MTHFD1L: variants seen among roughly 807,000 people sequenced by gnomAD.
MTHFD1L encodes the protein methylenetetrahydrofolate dehydrogenase (NADP+ dependent) 1 like, also known as monofunctional C1-tetrahydrofolate synthase, mitochondrial.
MTHFD1L carries 81 observed loss-of-function variants against 119.5 expected under a neutral mutation model. That is an observed-to-expected ratio of 0.68 (90% CI 0.57 to 0.82). The LOEUF is 0.82. MTHFD1L is among the 40% of genes least tolerant of loss of function. The pLI, the probability that MTHFD1L is intolerant of heterozygous loss-of-function variation, is 0.00. For synonymous variants in MTHFD1L, 430 were observed against 475.2 expected (o/e 0.90, Z 1.24); for missense variants, 1,125 against 1,253.4 (o/e 0.90, Z 1.55).
At chr6:150,914,545 A>T (rs1047294618) in intron 8 of MTHFD1L, among the ~76,000 whole-genome samples, 1 of 149,358 alleles carries the variant, frequency 6.7e-6, no homozygotes, top group Non-Finnish European at 1.5e-5. Context: ...TGCAATCCCA[A>T]CTACTCAGGA....
At chr6:150,894,329 A>G (rs985093747) in intron 7 of MTHFD1L, among the ~76,000 whole-genome samples, 1 of 152,192 alleles carries the variant, frequency 6.6e-6, no homozygotes, top group African/African-American at 2.4e-5. Flanking sequence ...CCTGGTATTA[A>G]TGCTTCCATT....
intron 20 of MTHFD1L, among the ~76,000 whole-genome samples, chr6:151,004,140 C>T (rs929534268): frequency 1.3e-5 from 2 of 151,536 alleles, no homozygotes; most frequent in South Asian, 2.1e-4. Flanking sequence ...GTCAGGAGTT[C>T]GAGACCAGCC....
intron 26 of MTHFD1L, among the ~76,000 whole-genome samples, chr6:151,090,893 TGCC>T (rs1554301683): frequency 1.1e-5 from 1 of 90,752 alleles, no homozygotes; most frequent in Non-Finnish European, 2.2e-5. Flanking sequence ...GGTGCAGCAT[TGCC>T]CCATGCGACT....
At chr6:151,096,493 T>C (rs558371513) in intron 27 of MTHFD1L, among the ~76,000 whole-genome samples, 2 of 152,310 alleles carry the variant, frequency 1.3e-5, no homozygotes, top group South Asian at 2.1e-4. Flanking sequence ...CCAGCAAGTA[T>C]TGTCTGTTTC....
chr6:150,936,960 G>C lies in MTHFD1L; in HGVS notation c.1393+20G>C. Reference sequence around the variant, plus strand: ...TGAAAGGTACTGTCTTTAACAACTAGTGTACTTTTCAGGGCAAAGTTGGGG... The same window carrying C: ...TGAAAGGTACTGTCTTTAACAACTACTGTACTTTTCAGGGCAAAGTTGGGG... On this transcript the variant is annotated intron_variant, in intron 12 of 27. Transcript: ENST00000367321. The C allele has an allele frequency of 6.2e-7, 1 of 1,609,466 alleles. No homozygotes were observed. Among genetic ancestry groups the C allele is most frequent in the East Asian group, 2.2e-5 (1 of 44,736 alleles).
At chr6:151,059,964 A>T in intron 26 of MTHFD1L, among the ~76,000 whole-genome samples, 1 of 152,164 alleles carries the variant, frequency 6.6e-6, no homozygotes, top group Admixed American at 6.5e-5. Flanking sequence ...TTGAGCAAGG[A>T]TATTGGGATT....
At chr6:151,014,053 C>T (rs901204503) in intron 22 of MTHFD1L, among the ~76,000 whole-genome samples, 2 of 152,142 alleles carry the variant, frequency 1.3e-5, no homozygotes, top group African/African-American at 2.4e-5. Context: ...GGCAAAACCT[C>T]ATCTCTACTA....
rs375641821 is a variant in MTHFD1L, at chr6:150,915,037, G to A, written c.893-3540G>A. 2.5e-4 allele frequency among the ~76,000 whole-genome samples: 38 copies of A among 152,230 alleles called. 1 individual carries two copies. The highest frequency in any genetic ancestry group is 9.2e-4 in the African/African-American group (38 of 41,526). Reference sequence around the variant, plus strand: ...TCGACTGGAAATAGAGGGTAGTGTTGTGTGTACCACCTACCATCTTCAGCT... The same window carrying A: ...TCGACTGGAAATAGAGGGTAGTGTTATGTGTACCACCTACCATCTTCAGCT... On this transcript the variant is annotated intron_variant, in intron 8 of 27. Coordinates refer to ENST00000367321, the MANE Select transcript of MTHFD1L (RefSeq NM_015440.5).
chr6:150,926,343 A>G lies in MTHFD1L; in HGVS notation c.1256+48A>G. 1 of 1,529,306 alleles carries G rather than the reference A, an allele frequency of 6.5e-7. No individual in the cohort carries two copies. Among genetic ancestry groups the G allele is most frequent in the Non-Finnish European group, 9.0e-7 (1 of 1,115,270 alleles). 94.7% of individuals were successfully genotyped at this position (1,529,306 alleles called of 1,614,324 possible). ...CTTGATCAAGCAGACATATTTACAA[A>G]ACTCTTCCCTATTTATCTCTCTCCT... On this transcript the variant is annotated intron_variant, in intron 11 of 27. Transcript: ENST00000367321. The surrounding 1 kb of genome is among the most constrained non-coding windows in gnomAD (Gnocchi z 4.3).
chr6:150,918,971 C>T (rs1788444351), intron 9 of MTHFD1L, among the ~76,000 whole-genome samples: 1 of 151,944 alleles, frequency 6.6e-6, no homozygotes, highest in Non-Finnish European at 1.5e-5. Context: ...ACAGTTTCTT[C>T]AAGTCAGAGA....
At chr6:150,912,248 TATA>T (rs900943517) in intron 8 of MTHFD1L, among the ~76,000 whole-genome samples, 16 of 152,080 alleles carry the variant, frequency 1.1e-4, no homozygotes, top group African/African-American at 3.9e-4. Context: ...CATTTTACTT[TATA>T]TCCTACAAAG....
intron 20 of MTHFD1L, among the ~76,000 whole-genome samples, chr6:150,988,430 G>A (rs1778601520): frequency 1.3e-5 from 2 of 152,112 alleles, no homozygotes; most frequent in South Asian, 4.2e-4. Flanking sequence ...GCAACGTTTG[G>A]TATAATTACA....
At chr6:151,043,912 A>C (rs1238600001) in intron 26 of MTHFD1L, among the ~76,000 whole-genome samples, 3 of 152,216 alleles carry the variant, frequency 2.0e-5, no homozygotes, top group Admixed American at 1.3e-4. Context: ...AAGCTTTAAA[A>C]CTGGAATTGG....
chr6:150,961,451 T>C (rs1796442656), intron 18 of MTHFD1L, among the ~76,000 whole-genome samples: 1 of 152,206 alleles, frequency 6.6e-6, no homozygotes, highest in South Asian at 2.1e-4. Flanking sequence ...CTTGCATTTT[T>C]GTATATAAGT....
At chr6:150,974,829 C>T (rs1296474373) in intron 20 of MTHFD1L, among the ~76,000 whole-genome samples, 1 of 151,876 alleles carries the variant, frequency 6.6e-6, no homozygotes. Flanking sequence ...CTCCGCCTCC[C>T]AGGTTCAAGC....
intron 7 of MTHFD1L, among the ~76,000 whole-genome samples, chr6:150,899,759 G>T (rs1323537789): frequency 6.6e-6 from 1 of 152,002 alleles, no homozygotes; most frequent in East Asian, 1.9e-4. Flanking sequence ...GGATCATGAG[G>T]TCAGGAGTGT....
chr6:150,911,502 C>T (rs1392828382), intron 8 of MTHFD1L, among the ~76,000 whole-genome samples: 1 of 152,120 alleles, frequency 6.6e-6, no homozygotes, highest in Non-Finnish European at 1.5e-5. Context: ...GTTTAATTGT[C>T]TCACACTTCC....
intron 13 of MTHFD1L, chr6:150,939,446 A>C (rs1792701259): frequency 6.6e-6 from 1 of 152,272 alleles, no homozygotes; most frequent in South Asian, 2.1e-4. Context: ...TGTTGCCTGT[A>C]ACTAACCAGT....
At chr6:150,919,758 T>C (rs1223702252) in intron 9 of MTHFD1L, among the ~76,000 whole-genome samples, 5 of 152,322 alleles carry the variant, frequency 3.3e-5, no homozygotes, top group African/African-American at 1.2e-4. Context: ...TAAACCATCA[T>C]GAGAAACTAG....
Sources: allele counts gnomAD v4.1 joint callset (sites outside exome capture counted in the v4.1 genomes callset), GRCh38; gene constraint gnomAD v4.1.1; non-coding constraint Gnocchi (gnomAD v3.1); transcripts MANE v1.5; gene names NCBI Gene and HGNC (gene_info 2026-07-23, HGNC 2026-07-21).